The following SNAP91 variants were observed in gnomAD, a reference collection of about 807,000 sequenced individuals.
SNAP91 encodes clathrin coat assembly protein AP180.
In SNAP91, 27 loss-of-function variants were observed where a neutral mutation model predicts 100.3. The observed-to-expected ratio is 0.27, with a 90% confidence interval of 0.20 to 0.37. The LOEUF is 0.37. Among genes scored for constraint, SNAP91 ranks in the 10% least tolerant of loss-of-function variants. The probability of loss-of-function intolerance (pLI) is 1.00; values close to 1 mark genes in which losing one functional copy is unlikely to be tolerated. For synonymous variants in SNAP91, 404 were observed against 398.6 expected, an observed-to-expected ratio of 1.01 and a Z score of -0.16; for missense variants, 986 against 1,123.7, an observed-to-expected ratio of 0.88 and a Z score of 1.75.
chr6:83,619,891 T>TA (rs1306025585), intron 9 of SNAP91, among the ~76,000 whole-genome samples: 4 of 152,036 alleles, frequency 2.6e-5, no homozygotes, highest in Non-Finnish European at 5.9e-5. Context: ...AAACCAAATT[T>TA]AAAAAAAGCA....
chr6:83,605,955 T>C (rs934802921), intron 13 of SNAP91, among the ~76,000 whole-genome samples, 152 bp from the exon 14 acceptor site: 3 of 152,238 alleles, frequency 2.0e-5, no homozygotes, highest in African/African-American at 7.2e-5. Flanking sequence ...CTATAGCATA[T>C]ACCAAGAGTT....
chr6:83,639,881 A>G (rs1267041342), intron 8 of SNAP91, among the ~76,000 whole-genome samples: 2 of 152,288 alleles, frequency 1.3e-5, no homozygotes, highest in African/African-American at 4.8e-5. Context: ...ATTTTACTAG[A>G]TTAGGCTGAT....
chr6:83,607,840 C>A lies in SNAP91; in HGVS notation c.913-32G>T. ...GTGAAGATGCACAACACACTTGAGT[C>A]AAATATGAATCTACAGGACACAGGG... On this transcript the variant is annotated intron_variant, in intron 12 of 29. Coordinates refer to ENST00000369694, the MANE Select transcript of SNAP91 (RefSeq NM_001242792.2). The A allele has an allele frequency of 3.0e-6, 4 of 1,354,176 alleles. No homozygotes were observed. The South Asian group carries it at 5.2e-5, about 18-fold the overall frequency. 83.9% of individuals were successfully genotyped at this position (1,354,176 alleles called of 1,614,324 possible). A position where few individuals can be genotyped will look rare whatever the true frequency, so the allele number is the denominator to read the frequency against.
chr6:83,708,056 T>A, intron 1 of SNAP91, 99 bp from the exon 2 acceptor site: 3 of 1,064,106 alleles, frequency 2.8e-6, no homozygotes, highest in Non-Finnish European at 2.5e-6. Flanking sequence ...GGCTCTCTCC[T>A]CCTCCATCCC....
intron 5 of SNAP91, 57 bp from the exon 6 acceptor site, chr6:83,659,149 C>A: frequency 7.6e-7 from 1 of 1,310,232 alleles, no homozygotes; most frequent in South Asian, 1.3e-5. Flanking sequence ...AATTCAAGAC[C>A]ATATGAATTG....
intron 7 of SNAP91, among the ~76,000 whole-genome samples, chr6:83,642,615 G>C (rs577164788): frequency 6.6e-6 from 1 of 152,332 alleles, no homozygotes; most frequent in East Asian, 1.9e-4. Context: ...TTGGTTCCAA[G>C]TCTTTGCTAC....
chr6:83,607,827 A>G lies in SNAP91; in HGVS notation c.913-19T>C, dbSNP rs1281656676. On this transcript the variant is annotated intron_variant, in intron 12 of 29. Transcript: ENST00000369694. ...GAGAAGACTGAAAGTGAAGATGCACAACACACTTGAGTCAAATATGAATCT... is the reference window on the plus strand; with the variant it reads ...GAGAAGACTGAAAGTGAAGATGCACGACACACTTGAGTCAAATATGAATCT... 2 of 1,458,028 alleles carry G rather than the reference A, an allele frequency of 1.4e-6. No homozygotes were observed. The highest frequency in any genetic ancestry group is 2.0e-5 in the Admixed American group (1 of 51,230). The allele number at this position is 1,458,028 out of a possible 1,614,324, so 90.3% of individuals were successfully genotyped here.
intron 9 of SNAP91, among the ~76,000 whole-genome samples, chr6:83,618,046 C>A (rs1245818386): frequency 1.3e-5 from 2 of 151,810 alleles, no homozygotes; most frequent in South Asian, 4.1e-4. Context: ...CACAGACATT[C>A]ATATAACTGT....
At chr6:83,685,126 G>A (rs1309952692) in intron 2 of SNAP91, among the ~76,000 whole-genome samples, 3 of 152,200 alleles carry the variant, frequency 2.0e-5, no homozygotes, top group African/African-American at 7.2e-5. Flanking sequence ...CACAGTCCCA[G>A]TATTTATGCT....
intron 19 of SNAP91, 26 bp downstream of exon 19, chr6:83,593,155 GA>G (rs754003599): frequency 2.5e-5 from 38 of 1,550,286 alleles, no homozygotes; most frequent in East Asian, 1.2e-4. Context: ...AAACTAAAGT[GA>G]AAAAAAAGGG....
Position 83,648,080 on chromosome 6 carries a change from TC to T in SNAP91, c.659-6879del, listed in dbSNP as rs576292435. Among the ~76,000 whole-genome samples, 17 of 152,322 alleles carry T rather than the reference TC, an allele frequency of 1.1e-4. No homozygotes were observed. In the South Asian group the frequency reaches 3.5e-3, roughly 32 times the overall value. On this transcript the variant is annotated intron_variant, in intron 7 of 29. Coordinates refer to ENST00000369694, the MANE Select transcript of SNAP91 (RefSeq NM_001242792.2). ...GCAGTACAGAACATTTTTATTACTC[TC>T]AAAAAATTTCTTGTGTCCCTTTGCA...
In SNAP91 at chr6:83,580,370, A is replaced by G. The variant is rs542418144; in HGVS notation, c.2299+80T>C. 117 of 458,926 alleles carry G rather than the reference A, an allele frequency of 2.5e-4. No individual in the cohort carries two copies. In the East Asian group the frequency reaches 8.2e-3, roughly 32 times the overall value. The allele number at this position is 458,926 out of a possible 1,614,324, so 28.4% of individuals were successfully genotyped here. A position where few individuals can be genotyped will look rare whatever the true frequency, so the allele number is the denominator to read the frequency against. ...GTCCAGAAACAAAACATATGAGATG[A>G]GAGAGAGAGAGAGAGAGAAACAAAA... On this transcript the variant is annotated intron_variant, in intron 24 of 29. Coordinates refer to ENST00000369694, the MANE Select transcript of SNAP91 (RefSeq NM_001242792.2).
chr6:83,659,703 A>T (rs927931989), intron 5 of SNAP91, among the ~76,000 whole-genome samples: 3 of 151,984 alleles, frequency 2.0e-5, no homozygotes, highest in East Asian at 1.9e-4. Context: ...AAGTGCTGAG[A>T]CTATAGCCAT....
chr6:83,592,767 A>T (rs1326802634), intron 20 of SNAP91, among the ~76,000 whole-genome samples, 179 bp downstream of exon 20: 2 of 152,218 alleles, frequency 1.3e-5, no homozygotes. Context: ...AATTTTCACT[A>T]GCCTTAAATT....
At chr6:83,702,445 A>G (rs1444542518) in intron 2 of SNAP91, among the ~76,000 whole-genome samples, 1 of 152,244 alleles carries the variant, frequency 6.6e-6, no homozygotes, top group African/African-American at 2.4e-5. Context: ...AACTAAGTAC[A>G]CAGATTAAAT....
At chr6:83,590,561 A>C (rs949732313) in intron 22 of SNAP91, among the ~76,000 whole-genome samples, 5 of 151,950 alleles carry the variant, frequency 3.3e-5, no homozygotes, top group Admixed American at 1.3e-4. Context: ...AAAAAAAAAA[A>C]CAAAAAACAA....
intron 8 of SNAP91, among the ~76,000 whole-genome samples, chr6:83,637,278 C>T (rs887079907): frequency 6.6e-6 from 1 of 152,118 alleles, no homozygotes; most frequent in African/African-American, 2.4e-5. Context: ...GCTGTGCTAC[C>T]CTCTCCCTTT....
intron 12 of SNAP91, among the ~76,000 whole-genome samples, chr6:83,609,384 C>G (rs1209342972): frequency 6.6e-6 from 1 of 152,054 alleles, no homozygotes; most frequent in Non-Finnish European, 1.5e-5. Context: ...GGTTTTAAAC[C>G]TGGCCTTATA....
intron 28 of SNAP91, among the ~76,000 whole-genome samples, chr6:83,557,200 A>G (rs948088512): frequency 6.6e-6 from 1 of 152,114 alleles, no homozygotes; most frequent in Admixed American, 6.6e-5. Flanking sequence ...CTAGGCTTTG[A>G]GTCTAATTAA....
Sources: allele counts gnomAD v4.1 joint callset (sites outside exome capture counted in the v4.1 genomes callset), GRCh38; gene constraint gnomAD v4.1.1; transcripts MANE v1.5; gene names NCBI Gene and HGNC (gene_info 2026-07-23, HGNC 2026-07-21).